Variants in DHX29 observed in about 807,000 individuals in gnomAD.
DHX29 encodes the protein ATP-dependent RNA helicase DHX29.
DHX29 carries 79 observed loss-of-function variants against 167.9 expected under a neutral mutation model. The ratio of observed to expected loss-of-function variants is 0.47; its 90% CI spans 0.39 to 0.57. The LOEUF is 0.57. Among genes scored for constraint, DHX29 ranks in the 20% least tolerant of loss-of-function variants. The probability of loss-of-function intolerance (pLI) is 0.00; values close to 1 mark genes in which losing one functional copy is unlikely to be tolerated. For synonymous variants in DHX29, 530 were observed against 546.0 expected (o/e 0.97, Z 0.41); for missense variants, 1,347 against 1,593.4 (o/e 0.85, Z 2.63).
chr5:55,277,362 G>A, intron 12 of DHX29, 80 bp from the exon 13 acceptor site: 1 of 919,708 alleles, frequency 1.1e-6, no homozygotes, highest in Non-Finnish European at 1.6e-6. Flanking sequence ...CAGACACCCA[G>A]ATTTACTAAA....
chr5:55,262,870 A>G lies in DHX29; in HGVS notation c.3588T>C (p.Ser1196=). The G allele has an allele frequency of 6.2e-7, 1 of 1,614,060 alleles. No homozygotes were observed. The highest frequency in any genetic ancestry group is 8.5e-7 in the Non-Finnish European group (1 of 1,179,930). The stretch of plus-strand genomic sequence containing the variant: ...AGGCTCTGTTTCCTTCCCAGCTGGT[A>G]GAAGTTGTGGAAGATGAAAATCCTG... ...KAAGFSSSTT[S]TSWEGNRASQ... The change falls in exon 24 of 27, where the codon TCT becomes TCC. Residue 1196 remains serine (S), a synonymous_variant. Transcript: ENST00000251636.
rs1748263330 is a variant in DHX29, at chr5:55,295,403, T to C, written c.627A>G (p.Thr209=). ...CCTTACTCTTAGGGTCCTCTTCATA[T>C]GTTTTTGTTTTAGGTTGCAATGGAG... ...ISPPLQPKTK[T]YEEDPKSKPK... is the part of the protein sequence containing the mutation. Residue 209 remains threonine (T), a synonymous_variant, in exon 5 of 27, where the codon ACA becomes ACG. Transcript: ENST00000251636. The C allele has an allele frequency of 1.2e-6, 2 of 1,612,782 alleles. No individual in the cohort carries two copies. Among genetic ancestry groups the C allele is most frequent in the Non-Finnish European group, 8.5e-7 (1 of 1,178,916 alleles).
Position 55,265,729 on chromosome 5 carries a change from CT to C in DHX29, c.3525+1408del, listed in dbSNP as rs368630769. Among the ~76,000 whole-genome samples, 203 of 149,690 alleles carry C rather than the reference CT, an allele frequency of 1.4e-3. 2 individuals carry two copies. In the Middle Eastern group the frequency reaches 0.025, roughly 18 times the overall value. The stretch of plus-strand genomic sequence containing the variant: ...GAGGATACTTAAACACTGTCTGTAT[CT>C]TTGATGGTATTAAGGAATTGAGTAT... On this transcript the variant is annotated intron_variant, in intron 23 of 26. Coordinates refer to ENST00000251636, the MANE Select transcript of DHX29 (RefSeq NM_019030.4).
At position 55,283,630 on chromosome 5, in the gene DHX29, T is replaced by G; in HGVS notation, c.1538A>C (p.Lys513Thr). ...QQQQQQHSENKRENSEDPEES... is the reference protein window; with the variant it reads ...QQQQQQHSENTRENSEDPEES... ...CTCGGGATCTTCAGAGTTTTCTCTCTTATTTTCAGAATGCTGTTGTTGCTG... is the reference window on the plus strand; with the variant it reads ...CTCGGGATCTTCAGAGTTTTCTCTCGTATTTTCAGAATGCTGTTGTTGCTG... Residue 513 changes from lysine (K) to threonine (T), a missense_variant, in exon 11 of 27, where the codon AAG (lysine) becomes ACG (threonine). By Grantham distance (78) the Lys-to-Thr change is moderately conservative. Around this residue, in one of 3 missense-constraint regions of DHX29, gnomAD observed 882 missense variants for 1,082.4 expected, o/e 0.81. Coordinates refer to ENST00000251636, the MANE Select transcript of DHX29 (RefSeq NM_019030.4). 1.9e-6 allele frequency: 3 copies of G among 1,614,034 alleles called. No individual in the cohort carries two copies. The highest frequency in any genetic ancestry group is 2.5e-6 in the Non-Finnish European group (3 of 1,180,012).
intron 7 of DHX29, 44 bp from the exon 8 acceptor site, chr5:55,289,472 A>T (rs1227571124): frequency 7.1e-7 from 1 of 1,417,646 alleles, no homozygotes; most frequent in Non-Finnish European, 9.3e-7. Flanking sequence ...GGTTTTAAAA[A>T]AATTGTTATT....
At chr5:55,268,114 C>A (rs111769982) in intron 21 of DHX29, among the ~76,000 whole-genome samples, 1 of 152,034 alleles carries the variant, frequency 6.6e-6, no homozygotes, top group Non-Finnish European at 1.5e-5. Flanking sequence ...ATTATCACCA[C>A]AATCAGAGAA....
Position 55,297,299 on chromosome 5 carries a change from CAGTA to C in DHX29, c.357_360del (p.Thr120ProfsTer25), listed in dbSNP as rs777235106. 6.4e-7 allele frequency: 1 copy of C among 1,566,960 alleles called. No individual in the cohort carries two copies. The highest frequency in any genetic ancestry group is 2.2e-5 in the East Asian group (1 of 44,504). On this transcript the variant is annotated frameshift_variant, in exon 3 of 27. Coordinates refer to ENST00000251636, the MANE Select transcript of DHX29 (RefSeq NM_019030.4). LOFTEE classifies it high-confidence loss of function. ...TTGCAAAATACCTGCAATTTTTTGG[CAGTA>C]AGTCTTCCAGAAATCATTCCTTTGT... is the stretch of plus-strand genomic sequence containing the variant.
chr5:55,269,110 G>T (rs1746721681), intron 21 of DHX29, among the ~76,000 whole-genome samples: 1 of 151,750 alleles, frequency 6.6e-6, no homozygotes, highest in Admixed American at 6.6e-5. Context: ...GCCAGGTGTG[G>T]TGGCACGTGC....
intron 14 of DHX29, 124 bp from the exon 15 acceptor site, chr5:55,275,134 AT>A (rs929770856): frequency 2.2e-5 from 25 of 1,140,292 alleles, no homozygotes; most frequent in Non-Finnish European, 2.9e-5. Context: ...CACCATTACT[AT>A]TTTGTTAAAA....
At chr5:55,267,070 T>C in intron 23 of DHX29, 68 bp downstream of exon 23, 1 of 1,043,286 alleles carries the variant, frequency 9.6e-7, no homozygotes. Context: ...TCCTAGGCAT[T>C]CTTTTTTCCA....
intron 12 of DHX29, among the ~76,000 whole-genome samples, chr5:55,280,463 G>GA (rs1194675692): frequency 6.6e-6 from 1 of 151,376 alleles, no homozygotes; most frequent in Non-Finnish European, 1.5e-5. Context: ...ATGGTAATAA[G>GA]AAAAAAAAAT....
At position 55,262,833 on chromosome 5, in the gene DHX29, A is replaced by C. The variant is rs1171001063; in HGVS notation, c.3625T>G (p.Ser1209Ala). 2 of 1,614,130 alleles carry C rather than the reference A, an allele frequency of 1.2e-6. No individual in the cohort carries two copies. Among genetic ancestry groups the C allele is most frequent in the Non-Finnish European group, 1.7e-6 (2 of 1,180,002 alleles). ...TTAAGAAGGGCAATTTCTTGGAATG[A>C]GAGGGTCTGTGAGGCTCTGTTTCCT... is the stretch of plus-strand genomic sequence containing the variant. Reference protein sequence around the residue: ...WEGNRASQTLSFQEIALLKAV... With the variant: ...WEGNRASQTLAFQEIALLKAV... Residue 1209 changes from serine (S) to alanine (A), a missense_variant, in exon 24 of 27, where the codon TCA becomes GCA. Transcript: ENST00000251636.
rs149652541 is a variant in DHX29 at position 55,281,703 on chromosome 5, T to G, written c.1966-188A>C. On this transcript the variant is annotated intron_variant, in intron 11 of 26. Coordinates refer to ENST00000251636, the MANE Select transcript of DHX29 (RefSeq NM_019030.4). Reference sequence around the variant, plus strand: ...AGCAAATCTATTTAGTGCAATTTATTATTAAAAGCATTTTCCCATGGTCTT... The same window carrying G: ...AGCAAATCTATTTAGTGCAATTTATGATTAAAAGCATTTTCCCATGGTCTT... Among the ~76,000 whole-genome samples the G allele has an allele frequency of 2.6e-4, 39 of 152,286 alleles. No homozygotes were observed. In the East Asian group the frequency reaches 6.6e-3, roughly 26 times the overall value.
intron 24 of DHX29, among the ~76,000 whole-genome samples, chr5:55,261,905 G>T (rs1746332010): frequency 6.6e-6 from 1 of 152,304 alleles, no homozygotes; most frequent in East Asian, 1.9e-4. Flanking sequence ...TTTGATAAAT[G>T]TTGAGAGTTA....
chr5:55,307,350 C>G (rs1400128819), intron 1 of DHX29, 37 bp downstream of exon 1: 1 of 1,582,680 alleles, frequency 6.3e-7, no homozygotes, highest in Non-Finnish European at 8.6e-7. Context: ...AGCAAGGTCT[C>G]AGGGCAGACA....
chr5:55,291,758 T>C (rs1429081458), intron 6 of DHX29, among the ~76,000 whole-genome samples: 2 of 152,220 alleles, frequency 1.3e-5, no homozygotes, highest in Admixed American at 6.5e-5. Context: ...CTCATATAAG[T>C]GAAATCATAT....
At chr5:55,275,785 G>T (rs1222822897) in intron 14 of DHX29, among the ~76,000 whole-genome samples, 1 of 152,048 alleles carries the variant, frequency 6.6e-6, no homozygotes, top group South Asian at 2.1e-4. Flanking sequence ...GTGTGTGTCT[G>T]TCTGTCTATC....
intron 1 of DHX29, among the ~76,000 whole-genome samples, chr5:55,301,440 G>A (rs1009155768): frequency 2.0e-5 from 3 of 152,090 alleles, no homozygotes; most frequent in Admixed American, 6.5e-5. Flanking sequence ...CAGGCCAGGC[G>A]TGGTGGCTCA....
chr5:55,274,744 A>G lies in DHX29; in HGVS notation c.2573-13T>C. 1 of 1,575,778 alleles carries G rather than the reference A, an allele frequency of 6.3e-7. No homozygotes were observed. Among genetic ancestry groups the G allele is most frequent in the Non-Finnish European group, 8.6e-7 (1 of 1,165,270 alleles). On this transcript the variant is annotated splice_polypyrimidine_tract_variant and intron_variant, in intron 15 of 26. Transcript: ENST00000251636. ...TGGGGACTTTTATCTGAAATTTTTAAAAAGATACAATATTCAAAATAAGAA... is the reference window on the plus strand; with the variant it reads ...TGGGGACTTTTATCTGAAATTTTTAGAAAGATACAATATTCAAAATAAGAA...
Sources: allele counts gnomAD v4.1 joint callset (sites outside exome capture counted in the v4.1 genomes callset), GRCh38; gene constraint gnomAD v4.1.1; regional missense constraint gnomAD v4.1.1; transcripts MANE v1.5; gene names NCBI Gene and HGNC (gene_info 2026-07-23, HGNC 2026-07-21).